The following CRACD variants were observed in gnomAD, a reference collection of about 807,000 sequenced individuals.
CRACD encodes capping protein-inhibiting regulator of actin dynamics.
CRACD carries 56 observed loss-of-function variants against 106.8 expected under a neutral mutation model. That is an observed-to-expected ratio of 0.52 (90% CI 0.42 to 0.66). The LOEUF is 0.66. CRACD is among the 30% of genes least tolerant of loss of function. The probability of loss-of-function intolerance (pLI) is 0.00; values close to 1 mark genes in which losing one functional copy is unlikely to be tolerated. For synonymous variants in CRACD, 754 were observed against 670.8 expected (o/e 1.12, Z -1.92); for missense variants, 1,730 against 1,623.2 (o/e 1.07, Z -1.13).
chr4:56,329,375 G>A lies in CRACD; in HGVS notation c.*1571G>A, dbSNP rs779702498. Among the ~76,000 whole-genome samples, 3 of 152,010 alleles carry A rather than the reference G, an allele frequency of 2.0e-5. No individual in the cohort carries two copies. The highest frequency in any genetic ancestry group is 4.8e-5 in the African/African-American group (2 of 41,372). On this transcript the variant is annotated 3_prime_UTR_variant, in exon 11 of 11. Transcript: ENST00000682029. The stretch of plus-strand genomic sequence containing the variant: ...TCCATCATTACTTTCCTTTATGCTC[G>A]CTCAATATGCAATGTGCTGTTATTC...
chr4:56,174,674 A>G (rs1736512069), intron 1 of CRACD, among the ~76,000 whole-genome samples: 2 of 152,192 alleles, frequency 1.3e-5, no homozygotes, highest in Non-Finnish European at 2.9e-5. Flanking sequence ...TTCTTTATGC[A>G]TTCATCTGTT....
At chr4:56,071,010 C>G (rs1332947258) in intron 1 of CRACD, among the ~76,000 whole-genome samples, 3 of 152,016 alleles carry the variant, frequency 2.0e-5, no homozygotes, top group Non-Finnish European at 4.4e-5. Context: ...TCTGGCATGG[C>G]CTCTTTGACA....
intron 1 of CRACD, among the ~76,000 whole-genome samples, chr4:56,061,459 C>T (rs930360181): frequency 3.9e-5 from 6 of 152,026 alleles, no homozygotes; most frequent in Middle Eastern, 3.4e-3. Flanking sequence ...GACATGAGCG[C>T]CACTATGCCT....
chr4:56,245,069 A>G (rs1740607701), intron 2 of CRACD, among the ~76,000 whole-genome samples: 1 of 152,144 alleles, frequency 6.6e-6, no homozygotes. Context: ...TTCAAGGCCA[A>G]TTCATTTTCC....
intron 2 of CRACD, among the ~76,000 whole-genome samples, chr4:56,218,049 T>C (rs1339534603): frequency 6.6e-6 from 1 of 152,158 alleles, no homozygotes; most frequent in Non-Finnish European, 1.5e-5. Context: ...TGTCTTTCTC[T>C]AGGTGTGTCT....
chr4:56,241,636 T>C (rs888345412), intron 2 of CRACD, among the ~76,000 whole-genome samples: 8 of 151,984 alleles, frequency 5.3e-5, no homozygotes, highest in African/African-American at 1.9e-4. Context: ...GAGTTCATGG[T>C]TTAGTGGGGG....
intron 1 of CRACD, among the ~76,000 whole-genome samples, chr4:56,063,278 C>T (rs1470108907): frequency 2.0e-5 from 3 of 151,984 alleles, no homozygotes; most frequent in South Asian, 2.1e-4. Context: ...ACCACAGCCT[C>T]GACCTCTTGG....
At chr4:56,188,991 C>T (rs1044427873) in intron 2 of CRACD, among the ~76,000 whole-genome samples, 1 of 152,206 alleles carries the variant, frequency 6.6e-6, no homozygotes, top group Non-Finnish European at 1.5e-5. Flanking sequence ...CGAGACCAGC[C>T]TTGCCAACAA....
At chr4:56,202,794 A>G (rs1269317320) in intron 2 of CRACD, among the ~76,000 whole-genome samples, 5 of 152,208 alleles carry the variant, frequency 3.3e-5, no homozygotes, top group African/African-American at 1.2e-4. Context: ...TATGATCACT[A>G]TAAAACATTT....
chr4:56,167,791 C>A (rs1736206521), intron 1 of CRACD, among the ~76,000 whole-genome samples: 1 of 152,158 alleles, frequency 6.6e-6, no homozygotes, highest in Non-Finnish European at 1.5e-5. Context: ...AAAAATGTGA[C>A]ATATGTATAC....
intron 1 of CRACD, among the ~76,000 whole-genome samples, chr4:56,167,420 C>T (rs1736195373): frequency 6.6e-6 from 1 of 152,152 alleles, no homozygotes; most frequent in African/African-American, 2.4e-5. Flanking sequence ...TACAATGTGG[C>T]ATGATTGAAT....
chr4:56,216,588 G>A (rs1738694768), intron 2 of CRACD, among the ~76,000 whole-genome samples: 1 of 152,182 alleles, frequency 6.6e-6, no homozygotes, highest in Non-Finnish European at 1.5e-5. Context: ...GTGTGTGACT[G>A]TGTTCCATAT....
chr4:56,314,119 C>A lies in CRACD; in HGVS notation c.617C>A (p.Thr206Lys), dbSNP rs552787892. The part of the protein sequence containing the change: ...QNGHPGEDKP[T>K]WHEEEPNPLD... ...GGACACCCAGGCGAGGACAAGCCAA[C>A]GTGGCACGAAGAGGAACCCAATCCG... Residue 206 changes from threonine (T) to lysine (K), a missense_variant, in exon 8 of 11, where the codon ACG (threonine) becomes AAG (lysine). By Grantham distance (78) the Thr-to-Lys change is moderately conservative. Coordinates refer to ENST00000682029, the MANE Select transcript of CRACD (RefSeq NM_001393381.1). The surrounding 1 kb of genome is among the most constrained non-coding windows in gnomAD (Gnocchi z 4.4). The A allele has an allele frequency of 5.0e-6, 8 of 1,614,062 alleles. No individual in the cohort carries two copies. Among genetic ancestry groups the A allele is most frequent in the Non-Finnish European group, 5.9e-6 (7 of 1,180,054 alleles).
At chr4:56,296,729 C>T (rs1744063073) in intron 3 of CRACD, among the ~76,000 whole-genome samples, 1 of 152,146 alleles carries the variant, frequency 6.6e-6, no homozygotes, top group South Asian at 2.1e-4. Flanking sequence ...GCCTGTGTTG[C>T]CTGGCATTGT....
chr4:56,162,989 A>G (rs543083688), intron 1 of CRACD, among the ~76,000 whole-genome samples: 8 of 152,342 alleles, frequency 5.3e-5, no homozygotes, highest in African/African-American at 1.9e-4. Flanking sequence ...ATGAATGGGC[A>G]TGGCTGTCGT....
chr4:56,069,161 C>T (rs994687158), intron 1 of CRACD, among the ~76,000 whole-genome samples: 2 of 152,108 alleles, frequency 1.3e-5, no homozygotes, highest in South Asian at 2.1e-4. Context: ...ACTGACACCT[C>T]GATTTCGGAC....
At chr4:56,104,082 T>G (rs919665179) in intron 1 of CRACD, among the ~76,000 whole-genome samples, 22 of 152,316 alleles carry the variant, frequency 1.4e-4, no homozygotes, top group Non-Finnish European at 2.2e-4. Context: ...CCCGTTGTTA[T>G]TATTCTTAAT....
chr4:56,314,038 A>G lies in CRACD; in HGVS notation c.538-2A>G, dbSNP rs1220615023. 6.2e-7 allele frequency: 1 copy of G among 1,610,894 alleles called. No homozygotes were observed. Among genetic ancestry groups the G allele is most frequent in the Non-Finnish European group, 8.5e-7 (1 of 1,178,390 alleles). On this transcript the variant is annotated splice_acceptor_variant, in intron 7 of 10. Transcript: ENST00000682029. LOFTEE classifies it high-confidence loss of function. The surrounding 1 kb of genome is among the most constrained non-coding windows in gnomAD (Gnocchi z 4.4). The stretch of plus-strand genomic sequence containing the variant: ...TAATTGTGTTTTCCTTTCCAATGTT[A>G]GGATCCACAACATGAGCAAGGCGGC...
At chr4:56,094,519 C>G (rs1002190116) in intron 1 of CRACD, among the ~76,000 whole-genome samples, 11 of 147,166 alleles carry the variant, frequency 7.5e-5, no homozygotes, top group African/African-American at 2.8e-4. Flanking sequence ...ACCTCCATCT[C>G]TTGGGTTCAC....
Sources: allele counts gnomAD v4.1 joint callset (sites outside exome capture counted in the v4.1 genomes callset), GRCh38; gene constraint gnomAD v4.1.1; non-coding constraint Gnocchi (gnomAD v3.1); transcripts MANE v1.5; gene names NCBI Gene and HGNC (gene_info 2026-07-23, HGNC 2026-07-21).